The following ISOC1 variants were observed in gnomAD, a reference collection of about 807,000 sequenced individuals.
ISOC1 encodes isochorismatase domain-containing protein 1.
In ISOC1, 33 loss-of-function variants were observed where a neutral mutation model predicts 30.0. The observed-to-expected ratio is 1.10, with a 90% CI of 0.83 to 1.47. The LOEUF (loss-of-function observed/expected upper bound fraction) is 1.47. ISOC1 is among the 40% of genes most tolerant of loss of function. ISOC1 has a pLI of 0.00. For synonymous variants in ISOC1, 178 were observed against 159.8 expected (o/e 1.11, Z -0.86); for missense variants, 372 against 388.0 (o/e 0.96, Z 0.35).
chr5:129,106,326 A>G (rs927992674), intron 3 of ISOC1, among the ~76,000 whole-genome samples: 1 of 152,220 alleles, frequency 6.6e-6, no homozygotes, highest in African/African-American at 2.4e-5. Context: ...GTAATACATG[A>G]TTCAGTCATT....
At chr5:129,101,916 G>T (rs1397331146) in intron 1 of ISOC1, among the ~76,000 whole-genome samples, 1 of 152,104 alleles carries the variant, frequency 6.6e-6, no homozygotes, top group Non-Finnish European at 1.5e-5. Context: ...CCTCAATTTT[G>T]ATTCATTTGA....
intron 1 of ISOC1, 116 bp downstream of exon 1, chr5:129,095,191 T>G: frequency 1.9e-6 from 2 of 1,032,230 alleles, no homozygotes; most frequent in South Asian, 3.5e-5. Flanking sequence ...ACCCGGGCCC[T>G]GCGCGAGTGG....
chr5:129,109,753 A>C (rs3798117), intron 4 of ISOC1, among the ~76,000 whole-genome samples: 2 of 152,046 alleles, frequency 1.3e-5, no homozygotes, highest in Non-Finnish European at 2.9e-5. Flanking sequence ...AATTTGAGGA[A>C]GGGGGCAATG....
chr5:129,105,509 A>G (rs1164171460), intron 3 of ISOC1, 121 bp downstream of exon 3: 4 of 764,788 alleles, frequency 5.2e-6, no homozygotes, highest in Non-Finnish European at 8.4e-6. Flanking sequence ...GGTAGCCACC[A>G]TGTATTATGT....
chr5:129,108,167 A>G (rs1425566320), intron 4 of ISOC1, among the ~76,000 whole-genome samples: 2 of 152,108 alleles, frequency 1.3e-5, no homozygotes, highest in Non-Finnish European at 2.9e-5. Context: ...CCTTGTCTGT[A>G]GTAGGAATGC....
intron 1 of ISOC1, among the ~76,000 whole-genome samples, chr5:129,101,032 T>TTTGC (rs1476623522): frequency 6.7e-6 from 1 of 149,452 alleles, no homozygotes; most frequent in African/African-American, 2.5e-5. Context: ...TGTTTGTTTG[T>TTTGC]TTGTTTGTTT....
At chr5:129,111,749 C>T (rs1165541320) in intron 4 of ISOC1, among the ~76,000 whole-genome samples, 1 of 152,024 alleles carries the variant, frequency 6.6e-6, no homozygotes, top group African/African-American at 2.4e-5. Flanking sequence ...TGCTCTCTTC[C>T]TTCCCTTCTT....
chr5:129,100,443 C>T (rs1398930692), intron 1 of ISOC1, among the ~76,000 whole-genome samples: 1 of 151,926 alleles, frequency 6.6e-6, no homozygotes, highest in Non-Finnish European at 1.5e-5. Flanking sequence ...GTATCATGTG[C>T]AAATGTGTGT....
Position 129,094,796 on chromosome 5 carries a change from G to T in ISOC1, c.30G>T (p.Ala10=). 6.6e-7 allele frequency: 1 copy of T among 1,523,560 alleles called. No individual in the cohort carries two copies. Among genetic ancestry groups the T allele is most frequent in the Non-Finnish European group, 8.8e-7 (1 of 1,140,700 alleles). The allele number at this position is 1,523,560 out of a possible 1,614,324, so 94.4% of individuals were successfully genotyped here. The change falls in exon 1 of 5, where the codon GCG becomes GCT. Residue 10 remains alanine, a synonymous_variant. Transcript: ENST00000173527. ...CGGCTGCGGAGCCGGCGGTCCTTGC[G>T]CTCCCCAACAGCGGCGCCGGGGGCG... The part of the protein sequence containing the change: MAAAEPAVL[A]LPNSGAGGAG...
chr5:129,105,535 C>A, intron 3 of ISOC1, 147 bp downstream of exon 3: 1 of 682,462 alleles, frequency 1.5e-6, no homozygotes, highest in Non-Finnish European at 2.5e-6. Flanking sequence ...ATTTGCATGG[C>A]ACTGATCTGA....
chr5:129,097,335 A>G (rs577863862), intron 1 of ISOC1, among the ~76,000 whole-genome samples: 1 of 152,278 alleles, frequency 6.6e-6, no homozygotes, highest in South Asian at 2.1e-4. Flanking sequence ...TGTGTATCGT[A>G]TATACCTTCT....
intron 1 of ISOC1, among the ~76,000 whole-genome samples, chr5:129,100,492 G>A (rs574628130): frequency 2.6e-5 from 4 of 152,228 alleles, no homozygotes; most frequent in Admixed American, 6.5e-5. Flanking sequence ...ACGAAGGTGT[G>A]TGGATACATA....
At chr5:129,106,925 A>G (rs1192434477) in intron 3 of ISOC1, 21 bp from the exon 4 acceptor site, 1 of 1,540,272 alleles carries the variant, frequency 6.5e-7, no homozygotes, top group Admixed American at 1.7e-5. Context: ...ATTACATATG[A>G]TTCTTGTACT....
At chr5:129,111,880 C>T (rs1426993595) in intron 4 of ISOC1, among the ~76,000 whole-genome samples, 3 of 152,068 alleles carry the variant, frequency 2.0e-5, no homozygotes, top group Non-Finnish European at 4.4e-5. Flanking sequence ...AAACTTTACA[C>T]AACCTTGAAT....
intron 1 of ISOC1, among the ~76,000 whole-genome samples, chr5:129,103,498 G>T (rs1370238715): frequency 6.6e-6 from 1 of 152,112 alleles, no homozygotes; most frequent in Non-Finnish European, 1.5e-5. Flanking sequence ...ATTTGGTATT[G>T]GATTGTGCAT....
At chr5:129,105,533 G>T in intron 3 of ISOC1, 145 bp downstream of exon 3, 1 of 690,980 alleles carries the variant, frequency 1.4e-6, no homozygotes. Context: ...CTATTTGCAT[G>T]GCACTGATCT....
In ISOC1 at chr5:129,105,016, GA is replaced by G. The variant is rs1561422566; in HGVS notation, c.373del (p.Arg125GlyfsTer26). Reference sequence around the variant, plus strand: ...TGTGTTTTTCTGCTGTGATATGCAGGAAAGGTTCAGACCAGCCATCAAGTAT... The same window carrying G: ...TGTGTTTTTCTGCTGTGATATGCAGGAAGGTTCAGACCAGCCATCAAGTAT... ...STVFFCCDMQ[E>X]RFRPAIKYFG... On this transcript the variant is annotated frameshift_variant, in exon 2 of 5. Coordinates refer to ENST00000173527, the MANE Select transcript of ISOC1 (RefSeq NM_016048.2). LOFTEE classifies it high-confidence loss of function. 6.2e-7 allele frequency: 1 copy of G among 1,613,710 alleles called. No individual in the cohort carries two copies. The highest frequency in any genetic ancestry group is 1.1e-5 in the South Asian group (1 of 91,082).
rs765289721 is a variant in ISOC1, at chr5:129,113,200, G to A, written c.*199G>A. On this transcript the variant is annotated 3_prime_UTR_variant, in exon 5 of 5. Transcript: ENST00000173527. ...TTAGTTACAAACGTCAAAGGCTTCCGGTGCTGCTTACCTTCCTTTTTTGTT... is the reference window on the plus strand; with the variant it reads ...TTAGTTACAAACGTCAAAGGCTTCCAGTGCTGCTTACCTTCCTTTTTTGTT... The A allele has an allele frequency of 1.2e-4, 53 of 445,314 alleles. No individual in the cohort carries two copies. Among genetic ancestry groups the A allele is most frequent in the Non-Finnish European group, 1.9e-4 (47 of 253,342 alleles). The allele number at this position is 445,314 out of a possible 1,614,324, so 27.6% of individuals were successfully genotyped here.
intron 3 of ISOC1, 142 bp downstream of exon 3, chr5:129,105,530 C>T (rs575373264): frequency 2.0e-4 from 143 of 699,138 alleles, no homozygotes; most frequent in Non-Finnish European, 3.1e-4. Context: ...TCACTATTTG[C>T]ATGGCACTGA....
Sources: allele counts gnomAD v4.1 joint callset (sites outside exome capture counted in the v4.1 genomes callset), GRCh38; gene constraint gnomAD v4.1.1; transcripts MANE v1.5; gene names NCBI Gene and HGNC (gene_info 2026-07-23, HGNC 2026-07-21).